NKAIN3: variants seen among roughly 807,000 people sequenced by gnomAD.
The protein encoded by NKAIN3 is sodium/potassium-transporting ATPase subunit beta-1-interacting protein 3.
In NKAIN3, 25 loss-of-function variants were observed where a neutral mutation model predicts 30.2. The observed-to-expected ratio is 0.83, with a 90% CI of 0.60 to 1.16. The LOEUF (loss-of-function observed/expected upper bound fraction) is 1.16. NKAIN3 is among the 50% of genes most tolerant of loss of function. NKAIN3 has a pLI of 0.00. For synonymous variants in NKAIN3, 91 were observed against 89.6 expected (o/e 1.02, Z -0.09); for missense variants, 225 against 254.1 (o/e 0.89, Z 0.78).
chr8:62,325,077 G>A (rs887503224), intron 1 of NKAIN3, among the ~76,000 whole-genome samples: 1 of 152,008 alleles, frequency 6.6e-6, no homozygotes, highest in African/African-American at 2.4e-5. Flanking sequence ...TTGTGCACCT[G>A]TCACCCAAAC....
chr8:62,679,384 A>G (rs1813581229), intron 3 of NKAIN3, among the ~76,000 whole-genome samples: 1 of 152,116 alleles, frequency 6.6e-6, no homozygotes, highest in Non-Finnish European at 1.5e-5. Context: ...AAAATGGCCA[A>G]CTCTTTGCAG....
intron 3 of NKAIN3, among the ~76,000 whole-genome samples, chr8:62,739,266 C>T (rs1904572): frequency 0.77 from 116,232 of 151,354 alleles, 45,841 homozygotes; most frequent in Non-Finnish European, 0.87. Flanking sequence ...GTATAATTTA[C>T]GAAAAAAAAA....
At chr8:62,780,815 C>G (rs1817334000) in intron 4 of NKAIN3, among the ~76,000 whole-genome samples, 1 of 152,046 alleles carries the variant, frequency 6.6e-6, no homozygotes, top group Non-Finnish European at 1.5e-5. Flanking sequence ...TCATATACGA[C>G]AAACCCATAG....
At chr8:62,267,600 G>T (rs929162925) in intron 1 of NKAIN3, among the ~76,000 whole-genome samples, 14 of 152,112 alleles carry the variant, frequency 9.2e-5, no homozygotes, top group Non-Finnish European at 1.9e-4. Context: ...GATAGAAAGG[G>T]TCCTGCCTTA....
intron 1 of NKAIN3, among the ~76,000 whole-genome samples, chr8:62,477,556 G>C (rs146698804): frequency 6.6e-6 from 1 of 152,074 alleles, no homozygotes; most frequent in Non-Finnish European, 1.5e-5. Context: ...CCTTTTATAT[G>C]TGCATATATG....
At chr8:62,734,237 T>G (rs564277881) in intron 3 of NKAIN3, among the ~76,000 whole-genome samples, 10 of 152,182 alleles carry the variant, frequency 6.6e-5, no homozygotes, top group Non-Finnish European at 1.2e-4. Context: ...GAACCGAGAC[T>G]GAGCCTCTGC....
intron 1 of NKAIN3, among the ~76,000 whole-genome samples, chr8:62,500,453 GAA>G (rs1220213292): frequency 8.4e-6 from 1 of 119,468 alleles, no homozygotes. Context: ...AAGAAAGAAA[GAA>G]AGAAAGAAAG....
intron 4 of NKAIN3, among the ~76,000 whole-genome samples, chr8:62,876,355 C>T (rs180700931): frequency 1.3e-5 from 2 of 152,050 alleles, no homozygotes; most frequent in East Asian, 3.9e-4. Flanking sequence ...ATGCTTTTAC[C>T]CTCTTGGTGT....
chr8:62,987,913 A>C (rs1331142718), downstream of NKAIN3, among the ~76,000 whole-genome samples: 1 of 152,194 alleles, frequency 6.6e-6, no homozygotes, highest in African/African-American at 2.4e-5. Context: ...GACTGTAAAA[A>C]TCAAAAGCAA....
intron 1 of NKAIN3, among the ~76,000 whole-genome samples, chr8:62,308,909 A>G (rs1245753852): frequency 2.0e-5 from 3 of 150,550 alleles, no homozygotes; most frequent in East Asian, 3.9e-4. Context: ...CTTCATAATA[A>G]AATATATATT....
At chr8:62,855,776 C>A in intron 4 of NKAIN3, 2 of 1,117,436 alleles carry the variant, frequency 1.8e-6, no homozygotes, top group Non-Finnish European at 2.7e-6. Context: ...TAAAGGGCAT[C>A]TTCCTTTTAT....
chr8:62,756,496 T>C (rs1345175525), intron 4 of NKAIN3, among the ~76,000 whole-genome samples: 1 of 152,308 alleles, frequency 6.6e-6, no homozygotes, highest in East Asian at 1.9e-4. Flanking sequence ...CAAAATTTTC[T>C]GAACTAAAAT....
intron 3 of NKAIN3, among the ~76,000 whole-genome samples, chr8:62,622,057 G>T (rs1319373854): frequency 6.6e-6 from 1 of 152,002 alleles, no homozygotes; most frequent in Non-Finnish European, 1.5e-5. Flanking sequence ...ATAGCATATA[G>T]CCTTTAGGGA....
intron 5 of NKAIN3, among the ~76,000 whole-genome samples, chr8:62,992,131 G>A (rs963832515): frequency 1.3e-5 from 2 of 151,700 alleles, no homozygotes; most frequent in African/African-American, 4.9e-5. Flanking sequence ...TGACCCTCCT[G>A]CCTCCCAGAG....
intron 3 of NKAIN3, among the ~76,000 whole-genome samples, chr8:62,709,357 T>C (rs983821119): frequency 3.9e-5 from 6 of 152,122 alleles, no homozygotes; most frequent in Non-Finnish European, 5.9e-5. Flanking sequence ...TCCTGGACTT[T>C]CCTTTGCTGG....
At chr8:62,329,828 T>C (rs1420655956) in intron 1 of NKAIN3, among the ~76,000 whole-genome samples, 1 of 152,040 alleles carries the variant, frequency 6.6e-6, no homozygotes, top group Non-Finnish European at 1.5e-5. Context: ...TATGAGAGAA[T>C]GAATTATTTT....
In NKAIN3 at chr8:62,971,094, C is replaced by T. The variant is rs1823824245; in HGVS notation, c.*5687C>T. Among the ~76,000 whole-genome samples, 2 of 152,096 alleles carry T rather than the reference C, an allele frequency of 1.3e-5. No homozygotes were observed. Among genetic ancestry groups the T allele is most frequent in the African/African-American group, 4.8e-5 (2 of 41,394 alleles). ...CCTCTCATTGCTTCATCCTCTGTGG[C>T]CGCCATTTTTAAGACCATAACATGA... is the stretch of plus-strand genomic sequence containing the variant. On this transcript the variant is annotated 3_prime_UTR_variant, in exon 7 of 7. Transcript: ENST00000623646.
downstream of NKAIN3, among the ~76,000 whole-genome samples, chr8:62,986,128 A>C (rs1456830732): frequency 6.6e-6 from 1 of 152,160 alleles, no homozygotes; most frequent in African/African-American, 2.4e-5. Flanking sequence ...GCAACAACTT[A>C]AGCATACCCT....
At chr8:62,712,268 G>A (rs1814748918) in intron 3 of NKAIN3, among the ~76,000 whole-genome samples, 1 of 152,158 alleles carries the variant, frequency 6.6e-6, no homozygotes, top group Non-Finnish European at 1.5e-5. Flanking sequence ...AGTATGGGTA[G>A]GAACTGGCAG....
Sources: gnomAD v4.1 joint callset for allele counts (sites outside exome capture counted in the v4.1 genomes callset) on GRCh38, gnomAD v4.1.1 for gene constraint, MANE v1.5 for transcripts, NCBI Gene and HGNC (gene_info 2026-07-23, HGNC 2026-07-21) for gene names.